Variants in VWA3B observed in about 807,000 individuals in gnomAD.
The protein encoded by VWA3B is von Willebrand factor A domain-containing protein 3B.
In VWA3B, 138 loss-of-function variants were observed where a neutral mutation model predicts 158.3. The ratio of observed to expected loss-of-function variants is 0.87; its 90% CI spans 0.76 to 1.00. The LOEUF (loss-of-function observed/expected upper bound fraction) is 1.00, where lower values mean the gene tolerates loss of function less well. VWA3B is among the 50% of genes least tolerant of loss of function. The probability of loss-of-function intolerance (pLI) is 0.00; values close to 1 mark genes in which losing one functional copy is unlikely to be tolerated. For missense variants in VWA3B, 1,555 were observed against 1,565.1 expected (o/e 0.99, Z 0.11); for synonymous variants, 596 against 587.3 (o/e 1.01, Z -0.21).
intron 7 of VWA3B, among the ~76,000 whole-genome samples, chr2:98,139,985 G>T (rs565612122): frequency 6.6e-6 from 1 of 152,018 alleles, no homozygotes; most frequent in Non-Finnish European, 1.5e-5. Flanking sequence ...TGAAGCCAGC[G>T]AGACCACAAG....
At chr2:98,289,357 G>A (rs1391898001) in intron 22 of VWA3B, among the ~76,000 whole-genome samples, 1 of 152,130 alleles carries the variant, frequency 6.6e-6, no homozygotes, top group Non-Finnish European at 1.5e-5. Flanking sequence ...TCCTAATGTA[G>A]GATGAATGGG....
In VWA3B at chr2:98,230,048, A is replaced by G. The variant is rs781106699; in HGVS notation, c.2151-2A>G. ...CTCGACTTTTTATCTAAATCAAAAC[A>G]GGCATCAAAAGGAAATCTGTTCTAT... On this transcript the variant is annotated splice_acceptor_variant, in intron 15 of 27. Coordinates refer to ENST00000477737, the MANE Select transcript of VWA3B (RefSeq NM_144992.5). LOFTEE classifies it high-confidence loss of function. The G allele has an allele frequency of 7.0e-6, 11 of 1,563,592 alleles. No homozygotes were observed. Among genetic ancestry groups the G allele is most frequent in the Non-Finnish European group, 8.6e-6 (10 of 1,163,416 alleles).
chr2:98,220,643 A>G (rs1196602030), intron 14 of VWA3B, among the ~76,000 whole-genome samples: 1 of 152,252 alleles, frequency 6.6e-6, no homozygotes, highest in Non-Finnish European at 1.5e-5. Context: ...CTATAAAGAC[A>G]CATGCACACA....
At chr2:98,219,843 G>A (rs1160209886) in intron 14 of VWA3B, among the ~76,000 whole-genome samples, 4 of 152,082 alleles carry the variant, frequency 2.6e-5, no homozygotes, top group Non-Finnish European at 5.9e-5. Context: ...ATCTTTCAAA[G>A]CAGGATATAA....
In VWA3B at chr2:98,234,655, C is replaced by A. The variant is rs748197097; in HGVS notation, c.2316C>A (p.Thr772=). The A allele has an allele frequency of 1.9e-6, 3 of 1,614,148 alleles. No individual in the cohort carries two copies. The highest frequency in any genetic ancestry group is 2.5e-6 in the Non-Finnish European group (3 of 1,180,010). Residue 772 remains threonine, a synonymous_variant, in exon 17 of 28, where the codon ACC becomes ACA. Coordinates refer to ENST00000477737, the MANE Select transcript of VWA3B (RefSeq NM_144992.5). ...QKKKVLHAES[T]KTSLLRSQMS... ...CCTCTGTGATACCAACAGAATCAAC[C>A]AAAACCAGCCTGCTCAGAAGCCAGA...
At chr2:98,213,951 T>C (rs1683758062) in intron 13 of VWA3B, among the ~76,000 whole-genome samples, 1 of 152,078 alleles carries the variant, frequency 6.6e-6, no homozygotes, top group Non-Finnish European at 1.5e-5. Context: ...AACACTTTGG[T>C]AGGCTGAGGC....
intron 13 of VWA3B, chr2:98,216,884 C>A: frequency 7.9e-7 from 1 of 1,260,334 alleles, no homozygotes; most frequent in Non-Finnish European, 1.1e-6. Context: ...GCTGGATGAG[C>A]TTCAAGCCCA....
At chr2:98,104,072 A>T (rs569929563) in intron 2 of VWA3B, among the ~76,000 whole-genome samples, 40 of 152,338 alleles carry the variant, frequency 2.6e-4, no homozygotes, top group Non-Finnish European at 4.9e-4. Context: ...ATAATCTTTA[A>T]TGATAAATAT....
At chr2:98,185,115 T>C (rs1281346013) in intron 9 of VWA3B, among the ~76,000 whole-genome samples, 1 of 152,228 alleles carries the variant, frequency 6.6e-6, no homozygotes, top group African/African-American at 2.4e-5. Context: ...GCCTTGTCAT[T>C]ACAAATAACT....
intron 17 of VWA3B, among the ~76,000 whole-genome samples, chr2:98,235,049 A>G (rs888435178): frequency 2.0e-5 from 3 of 152,060 alleles, no homozygotes. Flanking sequence ...TGAAACTGTC[A>G]TATTTCATAG....
intron 23 of VWA3B, among the ~76,000 whole-genome samples, chr2:98,295,233 C>A (rs1468125623): frequency 6.6e-6 from 1 of 151,948 alleles, no homozygotes; most frequent in Non-Finnish European, 1.5e-5. Flanking sequence ...AGAGTGAAAG[C>A]CTTTTTGAAG....
At chr2:98,298,438 T>C (rs1230441548) in intron 24 of VWA3B, among the ~76,000 whole-genome samples, 116 of 131,266 alleles carry the variant, frequency 8.8e-4, no homozygotes, top group African/African-American at 3.1e-3. Flanking sequence ...TATTCTATTC[T>C]ATTCTATGCC....
intron 26 of VWA3B, among the ~76,000 whole-genome samples, chr2:98,305,962 C>A (rs1037767056): frequency 2.6e-5 from 4 of 152,154 alleles, no homozygotes; most frequent in Admixed American, 1.3e-4. Flanking sequence ...CCCAGACCTG[C>A]CTACCTTGCC....
chr2:98,205,977 T>C (rs1360986820), intron 12 of VWA3B, among the ~76,000 whole-genome samples: 1 of 152,240 alleles, frequency 6.6e-6, no homozygotes, highest in Non-Finnish European at 1.5e-5. Context: ...TCAATGTTTG[T>C]TTGAAAAGCA....
chr2:98,213,820 C>T (rs1226817109), intron 13 of VWA3B, among the ~76,000 whole-genome samples: 1 of 152,072 alleles, frequency 6.6e-6, no homozygotes, highest in Non-Finnish European at 1.5e-5. Context: ...GTGTATTTTT[C>T]TTTTTAATAT....
chr2:98,190,906 T>C (rs1325075949), intron 10 of VWA3B, among the ~76,000 whole-genome samples: 16 of 152,148 alleles, frequency 1.1e-4, no homozygotes, highest in Admixed American at 1.0e-3. Context: ...AATTAAAACA[T>C]TGTGGTCATA....
chr2:98,279,731 A>G (rs1479202090), intron 22 of VWA3B, among the ~76,000 whole-genome samples: 1 of 152,202 alleles, frequency 6.6e-6, no homozygotes, highest in African/African-American at 2.4e-5. Flanking sequence ...GAGAAAGAGC[A>G]GGGAGTGGGC....
In VWA3B at chr2:98,250,352, A is replaced by G. The variant is rs1457699364; in HGVS notation, c.2708A>G (p.Asn903Ser). 3 of 1,613,344 alleles carry G rather than the reference A, an allele frequency of 1.9e-6. No individual in the cohort carries two copies. The change falls in exon 20 of 28, where the codon AAT becomes AGT. Residue 903 changes from asparagine (N) to serine (S), a missense_variant. Physicochemically the swap from Asn to Ser is conservative, Grantham distance 46 (BLOSUM62 1). Transcript: ENST00000477737. ...CTGGCACATGTGTGCAACGACACAA[A>G]TAAGATGACATTAATTAACCCCCAA... ...FPLAHVCNDTNKMTLINPQGA... is the reference protein window; with the variant it reads ...FPLAHVCNDTSKMTLINPQGA...
intron 24 of VWA3B, among the ~76,000 whole-genome samples, chr2:98,299,747 T>C (rs976878885): frequency 2.0e-5 from 3 of 152,220 alleles, no homozygotes; most frequent in Non-Finnish European, 4.4e-5. Flanking sequence ...ACACTGTTTA[T>C]CTTTGCATGA....
Sources: gnomAD v4.1 joint callset for allele counts (sites outside exome capture counted in the v4.1 genomes callset) on GRCh38, gnomAD v4.1.1 for gene constraint, MANE v1.5 for transcripts, NCBI Gene and HGNC (gene_info 2026-07-23, HGNC 2026-07-21) for gene names.